Variants in CTNNAL1 observed in about 807,000 individuals in gnomAD.
The protein encoded by CTNNAL1 is catenin alpha like 1.
In CTNNAL1, 69 loss-of-function variants were observed where a neutral mutation model predicts 93.6. The ratio of observed to expected loss-of-function variants is 0.74; its 90% CI spans 0.61 to 0.90. The LOEUF is 0.90. Ranked by LOEUF, CTNNAL1 falls within the 40% of genes least tolerant of loss-of-function variation. The pLI, the probability that CTNNAL1 is intolerant of heterozygous loss-of-function variation, is 0.00. For missense variants in CTNNAL1, 836 were observed against 862.0 expected (o/e 0.97, Z 0.38); for synonymous variants, 286 against 305.4 (o/e 0.94, Z 0.66).
chr9:108,995,696 T>C (rs1230802494), intron 2 of CTNNAL1, among the ~76,000 whole-genome samples: 1 of 152,098 alleles, frequency 6.6e-6, no homozygotes, highest in Non-Finnish European at 1.5e-5. Flanking sequence ...GGTAGCCAAG[T>C]AAAAAGCAAC....
intron 2 of CTNNAL1, 55 bp downstream of exon 2, chr9:108,999,012 A>G: frequency 6.6e-7 from 1 of 1,511,830 alleles, no homozygotes; most frequent in Non-Finnish European, 8.8e-7. Flanking sequence ...ATTTTTCATC[A>G]TAACCAAAGC....
chr9:108,986,607 A>C (rs865715), intron 4 of CTNNAL1, among the ~76,000 whole-genome samples: 2 of 151,304 alleles, frequency 1.3e-5, no homozygotes, highest in Non-Finnish European at 3.0e-5. Context: ...CGCCACACTG[A>C]CTTCCACAAT....
intron 7 of CTNNAL1, 25 bp from the exon 8 acceptor site, chr9:108,977,073 G>C (rs1279645854): frequency 1.8e-6 from 2 of 1,120,894 alleles, no homozygotes; most frequent in Non-Finnish European, 2.5e-6. Context: ...AAGTATACAT[G>C]TAATGTTACC....
At chr9:108,947,207 G>C (rs184213297) in intron 15 of CTNNAL1, among the ~76,000 whole-genome samples, 1 of 149,430 alleles carries the variant, frequency 6.7e-6, no homozygotes, top group South Asian at 2.1e-4. Flanking sequence ...TCCGCCTCCC[G>C]GGTTCACGCC....
At chr9:108,992,498 T>C (rs983106698) in intron 3 of CTNNAL1, 134 bp downstream of exon 3, 64 of 1,145,938 alleles carry the variant, frequency 5.6e-5, no homozygotes, top group Non-Finnish European at 7.6e-5. Context: ...GTATCCTGCA[T>C]TGCACATTAA....
chr9:108,943,816 G>T lies in CTNNAL1; in HGVS notation c.1942C>A (p.Leu648Met). 1.2e-6 allele frequency: 2 copies of T among 1,612,630 alleles called. No homozygotes were observed. Among genetic ancestry groups the T allele is most frequent in the Non-Finnish European group, 1.7e-6 (2 of 1,179,578 alleles). The change falls in exon 17 of 19, where the codon CTG becomes ATG. Residue 648 changes from leucine to methionine, a missense_variant and splice_region_variant. Transcript: ENST00000325551. ...AGCATAAGCTTGTCATCGTCTTTCA[G>T]CTGAAATGTAATTTAACAAGTTATA... ...TSSVQAFSKQ[L>M]KDDDKLMLLL...
intron 12 of CTNNAL1, among the ~76,000 whole-genome samples, chr9:108,952,718 T>C (rs1830597964): frequency 1.3e-5 from 2 of 152,194 alleles, no homozygotes. Flanking sequence ...AGCAAGTCAG[T>C]GCCTTCCCTG....
At chr9:108,987,407 T>C (rs2132164927) in intron 4 of CTNNAL1, among the ~76,000 whole-genome samples, 1 of 152,360 alleles carries the variant, frequency 6.6e-6, no homozygotes, top group East Asian at 1.9e-4. Flanking sequence ...TTGGCACCAG[T>C]ACCATACTGT....
intron 11 of CTNNAL1, among the ~76,000 whole-genome samples, chr9:108,958,306 AC>A (rs1304586006): frequency 1.3e-5 from 2 of 152,208 alleles, no homozygotes; most frequent in Admixed American, 6.5e-5. Context: ...TCTCTAAGAT[AC>A]CACAGAGTTA....
rs368745715 is a variant in CTNNAL1 at position 108,964,842 on chromosome 9, TTTTATTTA to T, written c.1591+528_1591+535del. On this transcript the variant is annotated intron_variant, in intron 11 of 18. Transcript: ENST00000325551. ...ATTCAGAGATCTACTATGCTGTTTG[TTTTATTTA>T]TTTATTTATTTATTTATTTATTTAT... is the stretch of plus-strand genomic sequence containing the variant. Among the ~76,000 whole-genome samples the T allele has an allele frequency of 6.6e-4, 90 of 136,206 alleles. 1 individual carries two copies. Among genetic ancestry groups the T allele is most frequent in the Middle Eastern group, 7.0e-3 (2 of 284 alleles). 89.4% of individuals were successfully genotyped at this position (136,206 alleles called of 152,430 possible).
chr9:108,943,092 A>G, intron 17 of CTNNAL1, 48 bp from the exon 18 acceptor site: 2 of 1,487,776 alleles, frequency 1.3e-6, no homozygotes, highest in Non-Finnish European at 1.8e-6. Flanking sequence ...GTAGTACTTA[A>G]AAGACCTTAC....
intron 12 of CTNNAL1, among the ~76,000 whole-genome samples, chr9:108,953,343 C>T (rs1830612199): frequency 6.6e-6 from 1 of 152,152 alleles, no homozygotes; most frequent in Admixed American, 6.5e-5. Context: ...GGGATTCCTC[C>T]AACTCTGAGA....
chr9:108,992,186 T>C, intron 3 of CTNNAL1: 1 of 599,996 alleles, frequency 1.7e-6, no homozygotes, highest in Non-Finnish European at 3.0e-6. Flanking sequence ...CATTTAAAGC[T>C]TTTACCAATA....
chr9:108,949,074 A>C (rs1830483802), intron 14 of CTNNAL1, among the ~76,000 whole-genome samples: 1 of 152,240 alleles, frequency 6.6e-6, no homozygotes, highest in South Asian at 2.1e-4. Context: ...AGAAATATGA[A>C]TGATTACATG....
intron 14 of CTNNAL1, among the ~76,000 whole-genome samples, chr9:108,948,829 A>C (rs1177886601): frequency 6.6e-6 from 1 of 152,202 alleles, no homozygotes; most frequent in Non-Finnish European, 1.5e-5. Flanking sequence ...AAGAATAACC[A>C]AATGCATTAA....
intron 4 of CTNNAL1, among the ~76,000 whole-genome samples, chr9:108,987,142 T>C (rs1831634946): frequency 6.6e-6 from 1 of 152,116 alleles, no homozygotes; most frequent in African/African-American, 2.4e-5. Context: ...GGTTTTCTTC[T>C]AGGGTTTTTA....
chr9:108,943,926 ACCAC>A, intron 16 of CTNNAL1, 32 bp downstream of exon 16: 1 of 1,606,926 alleles, frequency 6.2e-7, no homozygotes, highest in Non-Finnish European at 8.5e-7. Flanking sequence ...TATACATAAT[ACCAC>A]CACCAGCTCC....
At chr9:108,968,361 T>C (rs1183619040) in intron 10 of CTNNAL1, among the ~76,000 whole-genome samples, 3 of 152,156 alleles carry the variant, frequency 2.0e-5, no homozygotes, top group Admixed American at 6.6e-5. Flanking sequence ...TGCAGGTTAT[T>C]AACAACATGC....
rs548935591 is a variant in CTNNAL1, at chr9:108,957,655, C to A, written c.1592-1828G>T. Among the ~76,000 whole-genome samples the A allele has an allele frequency of 8.1e-4, 124 of 152,214 alleles. 1 individual carries two copies. Among genetic ancestry groups the A allele is most frequent in the Non-Finnish European group, 1.1e-3 (78 of 68,012 alleles). ...GGAAGAGGCTATTTTCATGCCTTGG[C>A]TCTAAGCTCTGATGTGAAAAGTGCT... On this transcript the variant is annotated intron_variant, in intron 11 of 18. Coordinates refer to ENST00000325551, the MANE Select transcript of CTNNAL1 (RefSeq NM_003798.4).
Sources: gnomAD v4.1 joint callset for allele counts (sites outside exome capture counted in the v4.1 genomes callset) on GRCh38, gnomAD v4.1.1 for gene constraint, MANE v1.5 for transcripts, NCBI Gene and HGNC (gene_info 2026-07-23, HGNC 2026-07-21) for gene names.